GRIK5: variants seen among roughly 807,000 people sequenced by gnomAD.
The protein encoded by GRIK5 is glutamate ionotropic receptor kainate type subunit 5.
In GRIK5, 43 loss-of-function variants were observed where a neutral mutation model predicts 97.4. The ratio of observed to expected loss-of-function variants is 0.44; its 90% confidence interval spans 0.35 to 0.57. GRIK5 has a LOEUF of 0.57. Ranked by LOEUF, GRIK5 falls within the 20% of genes least tolerant of loss-of-function variation. The pLI, the probability that GRIK5 is intolerant of heterozygous loss-of-function variation, is 0.01. For missense variants in GRIK5, 1,015 were observed against 1,382.0 expected, an observed-to-expected ratio of 0.73 and a Z score of 4.21; for synonymous variants, 580 against 583.5, an observed-to-expected ratio of 0.99 and a Z score of 0.09.
intron 15 of GRIK5, among the ~76,000 whole-genome samples, chr19:42,008,730 G>A (rs139788874): frequency 6.6e-6 from 1 of 152,202 alleles, no homozygotes; most frequent in African/African-American, 2.4e-5. Flanking sequence ...GATGATGACG[G>A]AATTAGCAGA....
chr19:42,012,625 G>A (rs559880425), intron 15 of GRIK5, among the ~76,000 whole-genome samples: 5 of 152,080 alleles, frequency 3.3e-5, no homozygotes, highest in East Asian at 1.9e-4. Flanking sequence ...CCTATAATCC[G>A]AGCACTTTGG....
intron 6 of GRIK5, 110 bp downstream of exon 6, chr19:42,059,239 G>A (rs1223547693): frequency 1.3e-6 from 1 of 775,826 alleles, no homozygotes; most frequent in Non-Finnish European, 2.2e-6. Context: ...GAAGAAGAAG[G>A]TCTTGAAGCC....
chr19:42,035,838 T>G (rs1271279848), intron 12 of GRIK5, among the ~76,000 whole-genome samples: 2 of 152,242 alleles, frequency 1.3e-5, no homozygotes, highest in African/African-American at 4.8e-5. Flanking sequence ...TACCATTTGG[T>G]ATTTTATCAT....
chr19:42,066,342 G>C (rs1035014090), intron 1 of GRIK5, among the ~76,000 whole-genome samples: 1 of 152,086 alleles, frequency 6.6e-6, no homozygotes, highest in African/African-American at 2.4e-5. Context: ...AGAGAGGCCT[G>C]GACATCCGAG....
Position 42,053,859 on chromosome 19 carries a change from C to A in GRIK5, c.1127G>T (p.Arg376Leu). Reference sequence around the variant, plus strand: ...GCCCTGCCGGGACTTTTCTAGGATGCGCAGGGTGTAGTTGGTTCTCTGCCC... The same window carrying A: ...GCCCTGCCGGGACTTTTCTAGGATGAGCAGGGTGTAGTTGGTTCTCTGCCC... ...SKGQRTNYTLRILEKSRQGHR... is the reference protein window; with the variant it reads ...SKGQRTNYTLLILEKSRQGHR... The change falls in exon 10 of 20, where the codon CGC (arginine) becomes CTC (leucine). Residue 376 changes from arginine to leucine, a missense_variant. Physicochemically the swap from Arg to Leu is moderately radical, Grantham distance 102 (BLOSUM62 -2). Transcript: ENST00000593562. 6.2e-7 allele frequency: 1 copy of A among 1,613,924 alleles called. No individual in the cohort carries two copies. Among genetic ancestry groups the A allele is most frequent in the Non-Finnish European group, 8.5e-7 (1 of 1,179,804 alleles).
At chr19:42,058,532 C>G (rs999194310) in intron 6 of GRIK5, among the ~76,000 whole-genome samples, 19 of 146,784 alleles carry the variant, frequency 1.3e-4, no homozygotes, top group African/African-American at 4.7e-4. Context: ...ATAAATAATA[C>G]AAATTTGGTT....
rs532684438 is a variant in GRIK5 at position 42,062,212 on chromosome 19, C to A, written c.508+276G>T. Among the ~76,000 whole-genome samples, 2 of 152,304 alleles carry A rather than the reference C, an allele frequency of 1.3e-5. No homozygotes were observed. Among genetic ancestry groups the A allele is most frequent in the South Asian group, 4.1e-4 (2 of 4,822 alleles). On this transcript the variant is annotated intron_variant, in intron 5 of 19. Transcript: ENST00000593562. The surrounding 1 kb of genome is among the most constrained non-coding windows in gnomAD (Gnocchi z 5.3). The stretch of plus-strand genomic sequence containing the variant: ...AATGACCAATGACCTCCACTAGAAC[C>A]GGAGTTCCAAGCACCCAGGGACCAC...
intron 3 of GRIK5, among the ~76,000 whole-genome samples, chr19:42,064,236 T>G (rs1165671396): frequency 6.6e-6 from 1 of 152,222 alleles, no homozygotes; most frequent in Non-Finnish European, 1.5e-5. Context: ...GACCTATCAA[T>G]GGCTTCCCAG....
chr19:42,039,283 G>T (rs1232197109), intron 12 of GRIK5, among the ~76,000 whole-genome samples: 5 of 152,164 alleles, frequency 3.3e-5, no homozygotes, highest in Non-Finnish European at 7.3e-5. Context: ...AGACCAGCCT[G>T]GCCAACATGG....
At position 42,021,286 on chromosome 19, in the gene GRIK5, T is replaced by C; in HGVS notation, c.1871+15A>G. ...CTCCCTCGCCCCGGGCAGAGGCAGA[T>C]AGAAAGCTTCTCACCAGACTCCGCT... On this transcript the variant is annotated intron_variant, in intron 15 of 19. Transcript: ENST00000593562. The surrounding 1 kb of genome is among the most constrained non-coding windows in gnomAD (Gnocchi z 4.2). 4 of 1,607,862 alleles carry C rather than the reference T, an allele frequency of 2.5e-6. No homozygotes were observed. The highest frequency in any genetic ancestry group is 1.1e-5 in the South Asian group (1 of 90,440).
At chr19:42,059,580 G>A (rs2076233208) in intron 5 of GRIK5, 53 bp from the exon 6 acceptor site, 5 of 1,469,414 alleles carry the variant, frequency 3.4e-6, no homozygotes, top group Non-Finnish European at 3.8e-6. Flanking sequence ...CCCAGGCATG[G>A]CGTAGACACT....
chr19:42,038,626 G>A, intron 12 of GRIK5, among the ~76,000 whole-genome samples: 1 of 152,254 alleles, frequency 6.6e-6, no homozygotes, highest in Non-Finnish European at 1.5e-5. Context: ...TTCCCAGCTG[G>A]AGGGCTGGAA....
In GRIK5 at chr19:42,008,333, A is replaced by T. The variant is rs570750987; in HGVS notation, c.1872-1523T>A. On this transcript the variant is annotated intron_variant, in intron 15 of 19. Coordinates refer to ENST00000593562, the MANE Select transcript of GRIK5 (RefSeq NM_002088.5). ...TGCCCGGCCTATTACATAATTTTTT[A>T]AAAAAATACCAGGTTGGGCACGGTG... Among the ~76,000 whole-genome samples, 454 of 151,882 alleles carry T rather than the reference A, an allele frequency of 3.0e-3. 1 individual carries two copies. The highest frequency in any genetic ancestry group is 5.7e-3 in the South Asian group (27 of 4,752).
At chr19:42,068,520 T>A (rs2076373456) in intron 1 of GRIK5, 2 of 387,798 alleles carry the variant, frequency 5.2e-6, no homozygotes, top group Non-Finnish European at 9.1e-6. Flanking sequence ...CCAGAGTGGA[T>A]CTGGGGGAAA....
chr19:42,031,179 T>C (rs554304937), intron 12 of GRIK5, among the ~76,000 whole-genome samples: 1 of 152,262 alleles, frequency 6.6e-6, no homozygotes, highest in East Asian at 1.9e-4. Flanking sequence ...TTGACAATAA[T>C]CCAAAGTCAT....
At position 42,070,086 on chromosome 19, in the gene GRIK5, C is replaced by A. The variant is rs569855472; in HGVS notation, c.-896G>T. ...CCTGTGAGGAGCCGGCTCCAGTCCC[C>A]GGCTCCAGTCCCCGGCTGGGCCTGC... is the stretch of plus-strand genomic sequence containing the variant. On this transcript the variant is annotated 5_prime_UTR_variant, in exon 1 of 20. Coordinates refer to ENST00000593562, the MANE Select transcript of GRIK5 (RefSeq NM_002088.5). Among the ~76,000 whole-genome samples, 138 of 152,208 alleles carry A rather than the reference C, an allele frequency of 9.1e-4. No individual in the cohort carries two copies. Among genetic ancestry groups the A allele is most frequent in the African/African-American group, 3.2e-3 (134 of 41,540 alleles).
intron 11 of GRIK5, among the ~76,000 whole-genome samples, chr19:42,051,214 G>A (rs2076112371): frequency 6.6e-6 from 1 of 152,050 alleles, no homozygotes; most frequent in Non-Finnish European, 1.5e-5. Flanking sequence ...AGGAGGGCGG[G>A]CCTATGCACA....
intron 8 of GRIK5, among the ~76,000 whole-genome samples, chr19:42,055,953 G>T (rs574153860): frequency 6.6e-6 from 1 of 151,284 alleles, no homozygotes; most frequent in South Asian, 2.1e-4. Context: ...AAAGTGCTGG[G>T]ATTACAAGTA....
At chr19:42,063,311 TTC>T in intron 3 of GRIK5, 1 of 457,610 alleles carries the variant, frequency 2.2e-6, no homozygotes, top group Non-Finnish European at 4.4e-6. Flanking sequence ...TTCCTCCTCT[TTC>T]TTCTGCTCTC....
Sources: gnomAD v4.1 joint callset for allele counts (sites outside exome capture counted in the v4.1 genomes callset) on GRCh38, gnomAD v4.1.1 for gene constraint, Gnocchi (gnomAD v3.1) non-coding constraint, MANE v1.5 for transcripts, NCBI Gene and HGNC (gene_info 2026-07-23, HGNC 2026-07-21) for gene names.